Variants in ZNF804B observed in about 807,000 individuals in gnomAD.
ZNF804B encodes the protein zinc finger protein 804B.
In ZNF804B, 80 loss-of-function variants were observed where a neutral mutation model predicts 101.4. The ratio of observed to expected loss-of-function variants is 0.79; its 90% CI spans 0.66 to 0.95. The LOEUF is 0.95. Ranked by LOEUF, ZNF804B falls within the 40% of genes least tolerant of loss-of-function variation. The probability of loss-of-function intolerance (pLI) is 0.00; values close to 1 mark genes in which losing one functional copy is unlikely to be tolerated. For missense variants in ZNF804B, 1,673 were observed against 1,561.9 expected, an observed-to-expected ratio of 1.07 and a Z score of -1.20; for synonymous variants, 622 against 558.8, an observed-to-expected ratio of 1.11 and a Z score of -1.59.
At chr7:89,031,792 T>C (rs927910553) in intron 1 of ZNF804B, among the ~76,000 whole-genome samples, 1 of 152,116 alleles carries the variant, frequency 6.6e-6, no homozygotes, top group Non-Finnish European at 1.5e-5. Context: ...GACCTTATTT[T>C]ATAATTTAAT....
intron 1 of ZNF804B, among the ~76,000 whole-genome samples, chr7:88,859,585 A>G (rs1791618921): frequency 6.6e-6 from 1 of 152,054 alleles, no homozygotes; most frequent in Non-Finnish European, 1.5e-5. Context: ...TAATTTACAG[A>G]CATAATGTTT....
intron 1 of ZNF804B, among the ~76,000 whole-genome samples, chr7:88,816,672 A>T (rs1272200021): frequency 6.9e-6 from 1 of 145,090 alleles, no homozygotes; most frequent in Non-Finnish European, 1.5e-5. Context: ...GCAAATCAAA[A>T]CCACAATGAG....
rs1435522258 is a variant in ZNF804B at position 88,912,064 on chromosome 7, G to A, written c.108+151980G>A. Among the ~76,000 whole-genome samples the A allele has an allele frequency of 1.1e-4, 17 of 151,918 alleles. No homozygotes were observed. In the East Asian group the frequency reaches 3.3e-3, roughly 29 times the overall value. On this transcript the variant is annotated intron_variant, in intron 1 of 3. Coordinates refer to ENST00000333190, the MANE Select transcript of ZNF804B (RefSeq NM_181646.5). ...TTGTAATGTTTCCAATGAGAAAATG[G>A]TTGGTGTGTGTTAATTGTATAAGCA...
At chr7:89,053,227 C>T (rs2116269141) in intron 1 of ZNF804B, among the ~76,000 whole-genome samples, 1 of 152,220 alleles carries the variant, frequency 6.6e-6, no homozygotes, top group African/African-American at 2.4e-5. Flanking sequence ...GTAGTCAAAA[C>T]TACACTTTTA....
intron 2 of ZNF804B, among the ~76,000 whole-genome samples, chr7:89,307,703 G>A (rs801817): frequency 0.04 from 6,053 of 151,940 alleles, 198 homozygotes; most frequent in African/African-American, 0.081. Context: ...TTCCAGTCAC[G>A]TTATTTGCCT....
At chr7:88,852,058 T>C (rs1583975849) in intron 1 of ZNF804B, among the ~76,000 whole-genome samples, 2 of 152,196 alleles carry the variant, frequency 1.3e-5, no homozygotes, top group African/African-American at 2.4e-5. Flanking sequence ...GTAGATACCA[T>C]GGAAGAAATG....
rs1486351876 is a variant in ZNF804B, at chr7:88,877,044, TATATA to T, written c.108+116961_108+116965del. ...TATATATAATATATATATATATATA[TATATA>T]TTTTTTTTTTTTTTTTTTTTTTTTT... On this transcript the variant is annotated intron_variant, in intron 1 of 3. Transcript: ENST00000333190. Among the ~76,000 whole-genome samples, 113 of 51,478 alleles carry T rather than the reference TATATA, an allele frequency of 2.2e-3. 1 individual carries two copies. The highest frequency in any genetic ancestry group is 4.1e-3 in the African/African-American group (40 of 9,850). 33.8% of individuals were successfully genotyped at this position (51,478 alleles called of 152,430 possible). A position where few individuals can be genotyped will look rare whatever the true frequency, so the allele number is the denominator to read the frequency against.
intron 2 of ZNF804B, among the ~76,000 whole-genome samples, chr7:89,220,003 GCA>G (rs1491498877): frequency 8.7e-5 from 2 of 22,990 alleles, no homozygotes; most frequent in Non-Finnish European, 7.6e-5. Flanking sequence ...ATATGTATAT[GCA>G]CATATATGTG....
chr7:89,326,117 T>C (rs1790892107), intron 2 of ZNF804B, among the ~76,000 whole-genome samples: 3 of 152,016 alleles, frequency 2.0e-5, no homozygotes, highest in African/African-American at 7.2e-5. Flanking sequence ...TAGAGCATAA[T>C]TATATTTCTT....
At chr7:89,090,527 T>C (rs183424486) in intron 1 of ZNF804B, among the ~76,000 whole-genome samples, 445 of 152,136 alleles carry the variant, frequency 2.9e-3, no homozygotes, top group Middle Eastern at 0.01. Flanking sequence ...TGTATATAGG[T>C]ATAGTTTTAG....
chr7:89,108,054 G>C (rs186124677), intron 1 of ZNF804B, among the ~76,000 whole-genome samples: 35 of 152,208 alleles, frequency 2.3e-4, no homozygotes, highest in African/African-American at 7.5e-4. Flanking sequence ...ACCACAGAGG[G>C]AAGAGAAAGC....
intron 2 of ZNF804B, among the ~76,000 whole-genome samples, chr7:89,317,930 C>T (rs1446128813): frequency 6.6e-6 from 1 of 152,008 alleles, no homozygotes; most frequent in African/African-American, 2.4e-5. Flanking sequence ...AAGAAAATAA[C>T]CTATTTGAAG....
At chr7:89,213,509 C>A (rs539976561) in intron 1 of ZNF804B, among the ~76,000 whole-genome samples, 1 of 152,158 alleles carries the variant, frequency 6.6e-6, no homozygotes, top group Non-Finnish European at 1.5e-5. Context: ...TATTCACAAC[C>A]AATGCAACAA....
intron 1 of ZNF804B, among the ~76,000 whole-genome samples, chr7:89,058,268 T>A (rs1789326248): frequency 6.6e-6 from 1 of 152,160 alleles, no homozygotes; most frequent in African/African-American, 2.4e-5. Context: ...AAGTTAATGA[T>A]TTCAGTTACA....
chr7:89,244,335 A>G (rs1213275274), intron 2 of ZNF804B, among the ~76,000 whole-genome samples: 1 of 152,074 alleles, frequency 6.6e-6, no homozygotes, highest in African/African-American at 2.4e-5. Flanking sequence ...AACTTACTAC[A>G]TGTGAAGCAC....
intron 1 of ZNF804B, among the ~76,000 whole-genome samples, chr7:89,213,651 G>A (rs543733282): frequency 6.4e-4 from 97 of 152,322 alleles, no homozygotes; most frequent in Non-Finnish European, 1.3e-3. Flanking sequence ...CCACAAATGA[G>A]TTAGCGGAGA....
chr7:89,013,437 A>T (rs1296122958), intron 1 of ZNF804B, among the ~76,000 whole-genome samples: 3 of 152,200 alleles, frequency 2.0e-5, no homozygotes, highest in African/African-American at 7.2e-5. Context: ...TACAATGAGA[A>T]TCTATTTATG....
At chr7:89,105,666 C>T (rs555429236) in intron 1 of ZNF804B, among the ~76,000 whole-genome samples, 4 of 152,088 alleles carry the variant, frequency 2.6e-5, no homozygotes, top group African/African-American at 7.2e-5. Context: ...ACGGGGCTTT[C>T]GTCTCACACA....
Position 88,759,812 on chromosome 7 carries a change from C to A in ZNF804B, c.-165C>A. ...GCAGCTGTCGGCAGCAGGAGCCCCGCACGGGGCGCGGAGCAGGGACGCGCT... is the reference window on the plus strand; with the variant it reads ...GCAGCTGTCGGCAGCAGGAGCCCCGAACGGGGCGCGGAGCAGGGACGCGCT... On this transcript the variant is annotated 5_prime_UTR_variant, in exon 1 of 4. Coordinates refer to ENST00000333190, the MANE Select transcript of ZNF804B (RefSeq NM_181646.5). 1.6e-6 allele frequency: 1 copy of A among 615,876 alleles called. No individual in the cohort carries two copies. Among genetic ancestry groups the A allele is most frequent in the Non-Finnish European group, 2.9e-6 (1 of 347,512 alleles). 38.2% of individuals were successfully genotyped at this position (615,876 alleles called of 1,614,324 possible).
Sources: allele counts gnomAD v4.1 joint callset (sites outside exome capture counted in the v4.1 genomes callset), GRCh38; gene constraint gnomAD v4.1.1; transcripts MANE v1.5; gene names NCBI Gene and HGNC (gene_info 2026-07-23, HGNC 2026-07-21).